Variants in PHF24 observed in about 807,000 individuals in gnomAD.
The protein encoded by PHF24 is Galpha inhibitory interacting protein.
A neutral mutation model predicts 42.6 loss-of-function variants in PHF24; 25 were observed. The observed-to-expected ratio is 0.59, with a 90% confidence interval of 0.43 to 0.82. The LOEUF (loss-of-function observed/expected upper bound fraction) is 0.82. PHF24 is among the 40% of genes least tolerant of loss of function. The probability of loss-of-function intolerance (pLI) is 0.00; values close to 1 mark genes in which losing one functional copy is unlikely to be tolerated. For synonymous variants in PHF24, 185 were observed against 204.8 expected, an observed-to-expected ratio of 0.90 and a Z score of 0.83; for missense variants, 470 against 538.1, an observed-to-expected ratio of 0.87 and a Z score of 1.25.
the PHF24 span, among the ~76,000 whole-genome samples, chr9:34,842,452 G>T: frequency 1.3e-5 from 2 of 152,218 alleles, no homozygotes; most frequent in Non-Finnish European, 2.9e-5. Context: ...CAAGGTGATG[G>T]TATTAGAAGT....
intron 5 of PHF24, 130 bp downstream of exon 5, chr9:34,976,870 C>T (rs1385097403): frequency 6.6e-6 from 6 of 910,400 alleles, no homozygotes; most frequent in South Asian, 1.7e-5. Context: ...GCTCAGGTTC[C>T]ATCCAGTGAC....
At chr9:34,926,696 A>G in the PHF24 span, among the ~76,000 whole-genome samples, 10 of 151,672 alleles carry the variant, frequency 6.6e-5, no homozygotes, top group Non-Finnish European at 1.5e-5. The surrounding 1 kb of genome is among the most constrained non-coding windows in gnomAD (Gnocchi z 4.3). Flanking sequence ...GGGCAGGCAC[A>G]GGGTTGTTGC....
the PHF24 span, among the ~76,000 whole-genome samples, chr9:34,737,970 T>TTC: frequency 6.6e-6 from 1 of 151,734 alleles, no homozygotes; most frequent in African/African-American, 2.4e-5. Flanking sequence ...TTTTTTTTTT[T>TTC]CCTCAGGATA....
At chr9:34,721,071 A>T in the PHF24 span, among the ~76,000 whole-genome samples, 2 of 152,068 alleles carry the variant, frequency 1.3e-5, no homozygotes, top group African/African-American at 2.4e-5. Context: ...TAATCCATGA[A>T]GTCCTCCCTC....
At chr9:34,866,828 T>C in the PHF24 span, among the ~76,000 whole-genome samples, 1 of 152,202 alleles carries the variant, frequency 6.6e-6, no homozygotes, top group African/African-American at 2.4e-5. Context: ...CTATTTTTAG[T>C]TTCCATTTCT....
chr9:34,751,772 A>G, the PHF24 span, among the ~76,000 whole-genome samples: 1 of 152,230 alleles, frequency 6.6e-6, no homozygotes, highest in Non-Finnish European at 1.5e-5. Flanking sequence ...CAGCACATGG[A>G]TCATTCTCAA....
At chr9:34,938,378 C>G in the PHF24 span, among the ~76,000 whole-genome samples, 2 of 152,130 alleles carry the variant, frequency 1.3e-5, no homozygotes, top group African/African-American at 4.8e-5. Context: ...CAAATGTAGT[C>G]AAAAACTCCT....
chr9:34,750,594 G>A, the PHF24 span, among the ~76,000 whole-genome samples: 2,677 of 152,032 alleles, frequency 0.018, 49 homozygotes, highest in South Asian at 0.041. Context: ...CCCTTTGCAT[G>A]TTTATTAGTT....
chr9:34,730,014 T>C, the PHF24 span, among the ~76,000 whole-genome samples: 1 of 152,164 alleles, frequency 6.6e-6, no homozygotes, highest in South Asian at 2.1e-4. Context: ...CCAAGGTGGT[T>C]GTACGTATCT....
chr9:34,928,442 C>T, the PHF24 span, among the ~76,000 whole-genome samples: 1 of 152,056 alleles, frequency 6.6e-6, no homozygotes, highest in Non-Finnish European at 1.5e-5. Flanking sequence ...CACCTATATA[C>T]CCACAAAAAT....
the PHF24 span, among the ~76,000 whole-genome samples, chr9:34,713,104 C>T: frequency 6.6e-6 from 1 of 152,260 alleles, no homozygotes; most frequent in South Asian, 2.1e-4. Context: ...GAGAACTCTG[C>T]CATCAATTTG....
At chr9:34,890,801 A>T in the PHF24 span, among the ~76,000 whole-genome samples, 1 of 152,162 alleles carries the variant, frequency 6.6e-6, no homozygotes, top group Non-Finnish European at 1.5e-5. Flanking sequence ...TTTGGCCAAG[A>T]TGGGTGCCTT....
At chr9:34,918,423 AT>A in the PHF24 span, 90,483 of 491,934 alleles carry the variant, frequency 0.18, 4,957 homozygotes, top group African/African-American at 0.22. Flanking sequence ...AAAAAAAAAA[AT>A]CATGGGGAAT....
At chr9:34,844,755 G>A in the PHF24 span, among the ~76,000 whole-genome samples, 1 of 152,064 alleles carries the variant, frequency 6.6e-6, no homozygotes, top group South Asian at 2.1e-4. Context: ...TATCTATATT[G>A]AATAATGTTC....
the PHF24 span, among the ~76,000 whole-genome samples, chr9:34,732,530 A>G: frequency 0.038 from 5,851 of 152,100 alleles, 392 homozygotes; most frequent in African/African-American, 0.13. Context: ...TGTCCAGATG[A>G]ATAGTTTGTA....
intron 1 of PHF24, among the ~76,000 whole-genome samples, chr9:34,964,228 C>T (rs1826691822): frequency 6.6e-6 from 1 of 152,140 alleles, no homozygotes; most frequent in African/African-American, 2.4e-5. Flanking sequence ...CTCCAGGCAG[C>T]CACTTTTACT....
chr9:34,690,424 C>CTGTGTATGTGTGTG, the PHF24 span: 1 of 572,118 alleles, frequency 1.7e-6, no homozygotes, highest in Non-Finnish European at 2.9e-6. Context: ...TTGAGGACAC[C>CTGTGTATGTGTGTG]TGTGTGTGTG....
the PHF24 span, among the ~76,000 whole-genome samples, chr9:34,711,507 A>G: frequency 6.6e-6 from 1 of 150,982 alleles, no homozygotes; most frequent in Non-Finnish European, 1.5e-5. Flanking sequence ...TAATGGGATT[A>G]CAAGTGTGAA....
chr9:34,872,475 C>A, the PHF24 span, among the ~76,000 whole-genome samples: 1 of 150,516 alleles, frequency 6.6e-6, no homozygotes, highest in African/African-American at 2.4e-5. Flanking sequence ...TTTGTTCTTG[C>A]GATAGTTTAC....
Sources: gnomAD v4.1 joint callset for allele counts (sites outside exome capture counted in the v4.1 genomes callset) on GRCh38, gnomAD v4.1.1 for gene constraint, Gnocchi (gnomAD v3.1) non-coding constraint, MANE v1.5 for transcripts, NCBI Gene and HGNC (gene_info 2026-07-23, HGNC 2026-07-21) for gene names.